The following SENP5 variants were observed in gnomAD, a reference collection of about 807,000 sequenced individuals.
The protein encoded by SENP5 is sentrin-specific protease 5.
Under a neutral mutation model 74.2 loss-of-function variants are expected in SENP5, and 21 were observed. The observed-to-expected ratio is 0.28, with a 90% CI of 0.20 to 0.41. SENP5 has a LOEUF of 0.41. Ranked by LOEUF, SENP5 falls within the 10% of genes least tolerant of loss-of-function variation. The pLI is 1.00. For missense variants in SENP5, 717 were observed against 889.1 expected (o/e 0.81, Z 2.46); for synonymous variants, 311 against 312.7 (o/e 0.99, Z 0.06).
chr3:196,930,906 T>C lies in SENP5; in HGVS notation c.2251T>C (p.Cys751Arg), dbSNP rs1458177760. The change falls in exon 10 of 10, where the codon TGC (cysteine) becomes CGC (arginine). Residue 751 changes from cysteine (C) to arginine (R), a missense_variant. Cys to Arg is a radical substitution (Grantham distance 180, BLOSUM62 -3). Transcript: ENST00000323460. ...GAGGATTTACAAGGAGCTATGTGAGTGCCGGCTCATGGACTGAAACTCAGC... is the reference window on the plus strand; with the variant it reads ...GAGGATTTACAAGGAGCTATGTGAGCGCCGGCTCATGGACTGAAACTCAGC... ...RKRIYKELCE[C>R]RLMD The C allele has an allele frequency of 1.4e-5, 22 of 1,612,286 alleles. No homozygotes were observed. In the East Asian group the frequency reaches 4.9e-4, roughly 36 times the overall value.
At chr3:196,882,097 C>T (rs1713752143) in intron 1 of SENP5, among the ~76,000 whole-genome samples, 1 of 151,884 alleles carries the variant, frequency 6.6e-6, no homozygotes. Context: ...TGGGGTTTTA[C>T]CTTGTTGGCC....
At chr3:196,900,197 A>G in intron 4 of SENP5, 135 bp downstream of exon 4, 2 of 1,263,984 alleles carry the variant, frequency 1.6e-6, no homozygotes, top group South Asian at 3.3e-5. Context: ...TTGCCCCAGG[A>G]TCCAAACGGT....
At chr3:196,883,912 G>A (rs539275263) in intron 1 of SENP5, among the ~76,000 whole-genome samples, 3 of 151,642 alleles carry the variant, frequency 2.0e-5, no homozygotes, top group Non-Finnish European at 4.4e-5. Context: ...GTCTGGTCTC[G>A]AACTCCTGAC....
At chr3:196,914,586 A>AAAAAAAAAAAATATATATATATATAT in intron 6 of SENP5, 9 of 33,482 alleles carry the variant, frequency 2.7e-4, no homozygotes, top group Non-Finnish European at 3.0e-4. Flanking sequence ...AAAAAAAAAA[A>AAAAAAAAAAAATATATATATATATAT]ATATATATAT....
At chr3:196,909,651 T>C (rs1229906442) in intron 6 of SENP5, among the ~76,000 whole-genome samples, 2 of 152,150 alleles carry the variant, frequency 1.3e-5, no homozygotes, top group African/African-American at 2.4e-5. Context: ...ACAGAACCAG[T>C]GACGAAAACC....
At chr3:196,926,741 C>T (rs907776853) in intron 7 of SENP5, among the ~76,000 whole-genome samples, 2 of 149,588 alleles carry the variant, frequency 1.3e-5, no homozygotes, top group Admixed American at 6.7e-5. Context: ...TGGGTTCAAG[C>T]GATTCTCATG....
At chr3:196,897,217 T>C (rs182959723) in intron 2 of SENP5, among the ~76,000 whole-genome samples, 1 of 152,332 alleles carries the variant, frequency 6.6e-6, no homozygotes, top group Non-Finnish European at 1.5e-5. Flanking sequence ...AAAATAATTC[T>C]CAATGCAGTT....
chr3:196,929,709 C>G, intron 9 of SENP5, 26 bp downstream of exon 9: 5 of 1,541,886 alleles, frequency 3.2e-6, no homozygotes, highest in Non-Finnish European at 4.5e-6. Flanking sequence ...CTTTTCGGAA[C>G]TTACAATGTG....
At chr3:196,919,711 T>C (rs1281870997) in intron 6 of SENP5, among the ~76,000 whole-genome samples, 1 of 151,798 alleles carries the variant, frequency 6.6e-6, no homozygotes, top group African/African-American at 2.4e-5. Flanking sequence ...GAAAATCACT[T>C]GAACCCAGGA....
intron 6 of SENP5, among the ~76,000 whole-genome samples, chr3:196,917,352 T>C (rs1318485109): frequency 1.3e-5 from 2 of 151,874 alleles, no homozygotes; most frequent in Non-Finnish European, 2.9e-5. Flanking sequence ...ATCTGAGAGT[T>C]ATTGGTCTTA....
At chr3:196,892,735 CT>C (rs1714265493) in intron 2 of SENP5, among the ~76,000 whole-genome samples, 3 of 152,152 alleles carry the variant, frequency 2.0e-5, no homozygotes, top group South Asian at 2.1e-4. Flanking sequence ...CCCCCAGCCC[CT>C]GGTAACTACC....
At chr3:196,908,960 A>G (rs1715014323) in intron 6 of SENP5, among the ~76,000 whole-genome samples, 2 of 152,200 alleles carry the variant, frequency 1.3e-5, no homozygotes, top group South Asian at 4.1e-4. Context: ...CCCTTCAAAA[A>G]ATCAGTGAAT....
intron 1 of SENP5, among the ~76,000 whole-genome samples, chr3:196,883,361 C>T (rs1355081137): frequency 2.0e-5 from 3 of 152,128 alleles, no homozygotes; most frequent in African/African-American, 4.8e-5. Context: ...GACTAGTCGC[C>T]TTCTTGTGGG....
intron 2 of SENP5, among the ~76,000 whole-genome samples, chr3:196,896,179 A>C (rs1714433243): frequency 6.6e-6 from 1 of 152,234 alleles, no homozygotes; most frequent in Non-Finnish European, 1.5e-5. Context: ...GTGGATAAAG[A>C]ATGGTGGATT....
chr3:196,927,919 GGA>G lies in SENP5; in HGVS notation c.2106+41_2106+42del. 3 of 1,317,578 alleles carry G rather than the reference GGA, an allele frequency of 2.3e-6. No individual in the cohort carries two copies. The Admixed American group carries it at 5.1e-5, about 22-fold the overall frequency. 81.6% of individuals were successfully genotyped at this position (1,317,578 alleles called of 1,614,324 possible). A position where few individuals can be genotyped will look rare whatever the true frequency, so the allele number is the denominator to read the frequency against. ...ACAATGAAACCCAGGCATGTCCAGG[GGA>G]TGGAATTATCTAAGGGTGGGTGCCT... On this transcript the variant is annotated intron_variant, in intron 8 of 9. Coordinates refer to ENST00000323460, the MANE Select transcript of SENP5 (RefSeq NM_152699.5).
In SENP5 at chr3:196,933,013, GTTTT is replaced by G. The variant is rs374827593; in HGVS notation, c.*2093_*2096del. 1.8e-5 allele frequency: 2 copies of G among 112,182 alleles called. No individual in the cohort carries two copies. The highest frequency in any genetic ancestry group is 3.6e-5 in the African/African-American group (1 of 28,138). The allele number at this position is 112,182 out of a possible 1,614,324, so 6.9% of individuals were successfully genotyped here. On this transcript the variant is annotated 3_prime_UTR_variant, in exon 10 of 10. Coordinates refer to ENST00000323460, the MANE Select transcript of SENP5 (RefSeq NM_152699.5). ...GGCTTAGACTAAATGTTGAGTTTGG[GTTTT>G]TTGTTTTTTTTTTTTTTTGAGTCAG...
rs186999432 is a variant in SENP5 at position 196,908,588 on chromosome 3, C to T, written c.1884+4978C>T. Among the ~76,000 whole-genome samples the T allele has an allele frequency of 7.1e-3, 1,079 of 152,318 alleles. 8 individuals are homozygous for T. The highest frequency in any genetic ancestry group is 0.025 in the African/African-American group (1,023 of 41,564). ...CCTGTAATCCCAGCACTTTGGGAGG[C>T]TGAGGCGGGTAGATCACCTGAGGTC... On this transcript the variant is annotated intron_variant, in intron 6 of 9. Coordinates refer to ENST00000323460, the MANE Select transcript of SENP5 (RefSeq NM_152699.5).
chr3:196,923,493 C>T lies in SENP5; in HGVS notation c.1964C>T (p.Ser655Phe). Residue 655 changes from serine (S) to phenylalanine (F), a missense_variant, in exon 7 of 10, where the codon TCT (serine) becomes TTT (phenylalanine). This residue lies in a region of SENP5 where 85 missense variants were observed against 188.9 expected (regional missense o/e 0.45). Transcript: ENST00000323460. ...TGGTCTCTCATTACTGTGACACTCT[C>T]TAATCGAATTATTTCATTTTATGAT... ...VHWSLITVTL[S>F]NRIISFYDSQ... The T allele has an allele frequency of 6.2e-7, 1 of 1,611,460 alleles. No homozygotes were observed. The highest frequency in any genetic ancestry group is 8.5e-7 in the Non-Finnish European group (1 of 1,177,828).
At chr3:196,920,829 T>C (rs992574952) in intron 6 of SENP5, among the ~76,000 whole-genome samples, 2 of 152,214 alleles carry the variant, frequency 1.3e-5, no homozygotes. Context: ...TCTCACATGG[T>C]AGCTCTGAAA....
Sources: gnomAD v4.1 joint callset for allele counts (sites outside exome capture counted in the v4.1 genomes callset) on GRCh38, gnomAD v4.1.1 for gene constraint, gnomAD v4.1.1 regional missense constraint, MANE v1.5 for transcripts, NCBI Gene and HGNC (gene_info 2026-07-23, HGNC 2026-07-21) for gene names.